Variants in APBA2 observed in about 807,000 individuals in gnomAD.
APBA2 encodes amyloid-beta A4 precursor protein-binding family A member 2.
APBA2 carries 30 observed loss-of-function variants against 75.0 expected under a neutral mutation model. That is an observed-to-expected ratio of 0.40 (90% confidence interval 0.30 to 0.54). The LOEUF (loss-of-function observed/expected upper bound fraction) is 0.54. Among genes scored for constraint, APBA2 ranks in the 20% least tolerant of loss-of-function variants. APBA2 has a pLI of 0.49. For missense variants in APBA2, 801 were observed against 1,016.1 expected (o/e 0.79, Z 2.88); for synonymous variants, 444 against 409.6 (o/e 1.08, Z -1.01).
intron 8 of APBA2, among the ~76,000 whole-genome samples, chr15:29,097,105 G>A (rs1222725163): frequency 6.6e-6 from 1 of 152,234 alleles, no homozygotes; most frequent in East Asian, 1.9e-4. Flanking sequence ...CCAGCCCCAG[G>A]GCTCAGTCCC....
chr15:28,977,378 C>G (rs2037394031), intron 2 of APBA2: 1 of 152,202 alleles, frequency 6.6e-6, no homozygotes, highest in South Asian at 2.1e-4. Context: ...GCTTCAACCT[C>G]TGAATTTGGG....
intron 3 of APBA2, among the ~76,000 whole-genome samples, chr15:29,038,038 T>G (rs1195107296): frequency 1.3e-5 from 2 of 152,212 alleles, no homozygotes; most frequent in Admixed American, 1.3e-4. Flanking sequence ...GCCTTCCCCA[T>G]GGATCCTGGT....
chr15:29,043,758 C>T (rs543605782), intron 3 of APBA2, among the ~76,000 whole-genome samples: 30 of 152,250 alleles, frequency 2.0e-4, no homozygotes, highest in African/African-American at 6.0e-4. Flanking sequence ...ATTTCACTGC[C>T]GTTTTCCAAA....
At chr15:28,920,578 C>A (rs1435634293) in intron 1 of APBA2, among the ~76,000 whole-genome samples, 4 of 152,148 alleles carry the variant, frequency 2.6e-5, no homozygotes, top group Non-Finnish European at 5.9e-5. Context: ...TCAGAGTGGG[C>A]CCGTGGAGTG....
intron 6 of APBA2, among the ~76,000 whole-genome samples, chr15:29,081,976 C>T (rs1739920004): frequency 2.0e-5 from 3 of 152,206 alleles, no homozygotes; most frequent in Admixed American, 2.0e-4. Context: ...GGGGGGACAG[C>T]GTACGCTGCT....
intron 3 of APBA2, chr15:29,044,279 A>G (rs2041194885): frequency 6.6e-6 from 1 of 152,224 alleles, no homozygotes; most frequent in African/African-American, 2.4e-5. Flanking sequence ...ATTGTTGACA[A>G]TGAGCCTTTA....
At chr15:29,051,766 G>C (rs1272493268) in intron 3 of APBA2, among the ~76,000 whole-genome samples, 3 of 152,246 alleles carry the variant, frequency 2.0e-5, no homozygotes, top group Middle Eastern at 3.4e-3. Flanking sequence ...AAACTAAAGA[G>C]ACAAGAGGGG....
chr15:28,930,615 A>G (rs2034514621), intron 2 of APBA2, among the ~76,000 whole-genome samples: 1 of 151,970 alleles, frequency 6.6e-6, no homozygotes, highest in Non-Finnish European at 1.5e-5. Flanking sequence ...TTTGCTGGCC[A>G]GGGAGTGTTC....
At chr15:29,026,630 C>T (rs533529701) in intron 3 of APBA2, among the ~76,000 whole-genome samples, 1 of 152,040 alleles carries the variant, frequency 6.6e-6, no homozygotes, top group African/African-American at 2.4e-5. Context: ...ATCGTTAGAA[C>T]AGGCCGGGCA....
intron 2 of APBA2, among the ~76,000 whole-genome samples, chr15:28,962,477 G>T (rs538181193): frequency 1.6e-4 from 25 of 152,228 alleles, no homozygotes; most frequent in African/African-American, 5.3e-4. Context: ...GCTGAGGCAG[G>T]GGAATCGCTT....
intron 2 of APBA2, among the ~76,000 whole-genome samples, chr15:28,931,921 G>A (rs1243935950): frequency 2.0e-5 from 3 of 152,212 alleles, no homozygotes; most frequent in Non-Finnish European, 4.4e-5. Flanking sequence ...AAAGGTCCCT[G>A]CGTGTGAGCC....
intron 3 of APBA2, among the ~76,000 whole-genome samples, chr15:29,004,417 G>A (rs1470384167): frequency 6.6e-6 from 1 of 152,176 alleles, no homozygotes; most frequent in Non-Finnish European, 1.5e-5. Flanking sequence ...TAGCCTAGTG[G>A]CACTCTCAGT....
intron 3 of APBA2, among the ~76,000 whole-genome samples, chr15:29,051,369 C>T (rs1358622464): frequency 6.6e-6 from 1 of 152,126 alleles, no homozygotes; most frequent in South Asian, 2.1e-4. Flanking sequence ...TGGTGTGGGA[C>T]ATCTTTGCTG....
chr15:29,116,385 G>C (rs1046802733), intron 14 of APBA2, among the ~76,000 whole-genome samples: 17 of 152,066 alleles, frequency 1.1e-4, no homozygotes, highest in African/African-American at 4.1e-4. Flanking sequence ...CCAGCACTTT[G>C]GGAGGCCGAG....
At chr15:29,116,643 AG>A (rs2045182677) in intron 14 of APBA2, among the ~76,000 whole-genome samples, 1 of 149,954 alleles carries the variant, frequency 6.7e-6, no homozygotes, top group African/African-American at 2.5e-5. Context: ...AAAAAAAAAA[AG>A]AAGGGGTGCG....
intron 1 of APBA2, among the ~76,000 whole-genome samples, chr15:28,891,769 G>A (rs1422144489): frequency 6.6e-6 from 1 of 152,110 alleles, no homozygotes; most frequent in Non-Finnish European, 1.5e-5. Flanking sequence ...ATTGACATTT[G>A]GCATTTTCAG....
At chr15:29,056,003 G>A (rs1028635832) in intron 4 of APBA2, among the ~76,000 whole-genome samples, 3 of 152,120 alleles carry the variant, frequency 2.0e-5, no homozygotes, top group African/African-American at 7.2e-5. Flanking sequence ...AAAGCAAAGT[G>A]TTTCTTTGGT....
intron 2 of APBA2, among the ~76,000 whole-genome samples, chr15:28,949,337 G>A (rs1164731353): frequency 6.6e-6 from 1 of 152,204 alleles, no homozygotes; most frequent in Non-Finnish European, 1.5e-5. Context: ...GCAAGTCAGG[G>A]CCGGGCAGAA....
chr15:28,944,384 C>T (rs942513723), intron 2 of APBA2, among the ~76,000 whole-genome samples: 15 of 152,290 alleles, frequency 9.8e-5, no homozygotes, highest in African/African-American at 3.1e-4. Context: ...ACTGTCCATC[C>T]GGTACCCTCT....
Sources: allele counts gnomAD v4.1 joint callset (sites outside exome capture counted in the v4.1 genomes callset), GRCh38; gene constraint gnomAD v4.1.1; transcripts MANE v1.5; gene names NCBI Gene and HGNC (gene_info 2026-07-23, HGNC 2026-07-21).